RPRD1A: variants seen among roughly 807,000 people sequenced by gnomAD.
RPRD1A encodes the protein regulation of nuclear pre-mRNA domain-containing protein 1A.
RPRD1A carries 9 observed loss-of-function variants against 37.8 expected under a neutral mutation model. The ratio of observed to expected loss-of-function variants is 0.24; its 90% CI spans 0.14 to 0.42. The LOEUF (loss-of-function observed/expected upper bound fraction) is 0.42. RPRD1A is among the 10% of genes least tolerant of loss of function. RPRD1A has a pLI of 1.00. For synonymous variants in RPRD1A, 138 were observed against 139.7 expected (o/e 0.99, Z 0.08); for missense variants, 255 against 371.0 (o/e 0.69, Z 2.57).
At chr18:36,049,242 A>T (rs987157199) in intron 1 of RPRD1A, among the ~76,000 whole-genome samples, 7 of 152,204 alleles carry the variant, frequency 4.6e-5, no homozygotes, top group Non-Finnish European at 8.8e-5. Context: ...GCACACACAC[A>T]AAAATGTACT....
chr18:36,010,415 C>T (rs1910104567), intron 6 of RPRD1A, among the ~76,000 whole-genome samples: 1 of 152,106 alleles, frequency 6.6e-6, no homozygotes, highest in African/African-American at 2.4e-5. Context: ...ATTGCTTGAG[C>T]CCAGGAGCTC....
chr18:36,022,399 A>C (rs1598621908), intron 6 of RPRD1A, among the ~76,000 whole-genome samples: 2 of 152,230 alleles, frequency 1.3e-5, no homozygotes, highest in Admixed American at 1.3e-4. Flanking sequence ...CTGGAAGAAG[A>C]TGCCACCTGG....
intron 1 of RPRD1A, among the ~76,000 whole-genome samples, chr18:36,039,146 G>A (rs1393649807): frequency 1.3e-5 from 2 of 151,990 alleles, no homozygotes; most frequent in Non-Finnish European, 2.9e-5. Context: ...GATATGGTTT[G>A]GCTGTGTCCC....
At chr18:36,052,158 G>GAAAAAA (rs58995301) in intron 1 of RPRD1A, among the ~76,000 whole-genome samples, 1 of 143,828 alleles carries the variant, frequency 7.0e-6, no homozygotes, top group Non-Finnish European at 1.5e-5. Flanking sequence ...CATCCTAACA[G>GAAAAAA]AAAAAAAAAA....
intron 1 of RPRD1A, among the ~76,000 whole-genome samples, chr18:36,064,836 C>T (rs181552021): frequency 1.5e-3 from 230 of 152,218 alleles, no homozygotes; most frequent in Middle Eastern, 3.4e-3. Context: ...GGGTCCCTGC[C>T]GCCTTTATGA....
chr18:35,992,228 C>T lies in RPRD1A; in HGVS notation c.*923G>A, dbSNP rs1908754762. The T allele has an allele frequency of 6.6e-6, 1 of 152,562 alleles. No homozygotes were observed. Among genetic ancestry groups the T allele is most frequent in the Non-Finnish European group, 1.5e-5 (1 of 68,014 alleles). 9.5% of individuals were successfully genotyped at this position (152,562 alleles called of 1,614,324 possible). ...CATTAACGAATATTGTGTTCTTGAG[C>T]TATTAGAGCTAAAAGTATTATTTTT... On this transcript the variant is annotated 3_prime_UTR_variant, in exon 7 of 7. Coordinates refer to ENST00000399022, the MANE Select transcript of RPRD1A (RefSeq NM_018170.5).
At chr18:36,042,873 G>A (rs537525054) in intron 1 of RPRD1A, among the ~76,000 whole-genome samples, 2 of 152,166 alleles carry the variant, frequency 1.3e-5, no homozygotes, top group East Asian at 1.9e-4. Context: ...TCAGAAAAAC[G>A]ACTTGGCAAT....
intron 1 of RPRD1A, chr18:36,040,974 G>A: frequency 1.7e-6 from 1 of 604,848 alleles, no homozygotes; most frequent in South Asian, 2.6e-5. Flanking sequence ...TCAATTTCAG[G>A]TGGAAAAAAA....
At chr18:36,005,600 G>A (rs571228295) in intron 6 of RPRD1A, among the ~76,000 whole-genome samples, 39 of 152,240 alleles carry the variant, frequency 2.6e-4, no homozygotes, top group Middle Eastern at 6.8e-3. Flanking sequence ...ACAGAAATAC[G>A]GAAAAAGTTA....
At position 36,033,314 on chromosome 18, in the gene RPRD1A, A is replaced by C. The variant is rs868114105; in HGVS notation, c.281+394T>G. Among the ~76,000 whole-genome samples the C allele has an allele frequency of 2.9e-3, 442 of 151,294 alleles. 7 individuals carry two copies. The highest frequency in any genetic ancestry group is 0.01 in the African/African-American group (423 of 41,322). ...GACTCTGTCTCAAAAAAAAAAAAAA[A>C]AAAAAAAAAAAGAATAGAAACAGTA... On this transcript the variant is annotated intron_variant, in intron 2 of 6. Coordinates refer to ENST00000399022, the MANE Select transcript of RPRD1A (RefSeq NM_018170.5).
intron 1 of RPRD1A, among the ~76,000 whole-genome samples, chr18:36,051,693 T>C (rs1022004273): frequency 3.3e-5 from 5 of 151,978 alleles, no homozygotes; most frequent in Admixed American, 1.3e-4. Context: ...CACATTATTA[T>C]AGATAAATGC....
intron 4 of RPRD1A, chr18:36,027,574 T>C (rs1052513722): frequency 6.4e-6 from 2 of 310,866 alleles, no homozygotes; most frequent in Non-Finnish European, 1.2e-5. Context: ...ATAATAATTA[T>C]TTGAGTACTA....
chr18:36,053,796 T>C (rs1458406997), intron 1 of RPRD1A, among the ~76,000 whole-genome samples: 2 of 152,028 alleles, frequency 1.3e-5, no homozygotes, highest in South Asian at 4.1e-4. Flanking sequence ...ACTACAAGAA[T>C]GTTAGTAAAT....
chr18:36,015,917 C>A (rs994963750), intron 6 of RPRD1A, among the ~76,000 whole-genome samples: 14 of 152,092 alleles, frequency 9.2e-5, no homozygotes, highest in African/African-American at 3.4e-4. Flanking sequence ...ACACTAGTGA[C>A]CTATATACAT....
chr18:36,046,748 A>G (rs1450529344), intron 1 of RPRD1A, among the ~76,000 whole-genome samples: 1 of 151,734 alleles, frequency 6.6e-6, no homozygotes, highest in African/African-American at 2.4e-5. Context: ...AGGTGGGAGG[A>G]CTGCTGAGCC....
chr18:36,025,734 A>C, intron 6 of RPRD1A: 1 of 904,386 alleles, frequency 1.1e-6, no homozygotes, highest in Admixed American at 3.1e-5. Flanking sequence ...CTAAAGACAA[A>C]AATTGTATGA....
chr18:36,035,723 T>C (rs1912140726), intron 1 of RPRD1A, among the ~76,000 whole-genome samples: 1 of 152,132 alleles, frequency 6.6e-6, no homozygotes, highest in Non-Finnish European at 1.5e-5. Flanking sequence ...ATAAACAAAA[T>C]GTGAATTATA....
chr18:35,993,818 G>C (rs1752078898), intron 6 of RPRD1A, among the ~76,000 whole-genome samples: 1 of 152,124 alleles, frequency 6.6e-6, no homozygotes, highest in Non-Finnish European at 1.5e-5. Flanking sequence ...TTCCCAGAAA[G>C]AGCGCCTCTC....
intron 6 of RPRD1A, 186 bp downstream of exon 6, chr18:36,026,714 C>G: frequency 2.2e-6 from 1 of 448,406 alleles, no homozygotes; most frequent in Non-Finnish European, 3.8e-6. Context: ...TCTAAGTTTA[C>G]TTGCAAGATT....
Sources: allele counts gnomAD v4.1 joint callset (sites outside exome capture counted in the v4.1 genomes callset), GRCh38; gene constraint gnomAD v4.1.1; transcripts MANE v1.5; gene names NCBI Gene and HGNC (gene_info 2026-07-23, HGNC 2026-07-21).